The following BAZ2B variants were observed in gnomAD, a reference collection of about 807,000 sequenced individuals.
BAZ2B encodes the protein bromodomain adjacent to zinc finger domain protein 2B.
In BAZ2B, 91 loss-of-function variants were observed where a neutral mutation model predicts 246.0. The ratio of observed to expected loss-of-function variants is 0.37; its 90% CI spans 0.31 to 0.44. The LOEUF (loss-of-function observed/expected upper bound fraction) is 0.44. Among genes scored for constraint, BAZ2B ranks in the 20% least tolerant of loss-of-function variants. The pLI, the probability that BAZ2B is intolerant of heterozygous loss-of-function variation, is 1.00. For synonymous variants in BAZ2B, 855 were observed against 860.0 expected (o/e 0.99, Z 0.10); for missense variants, 2,332 against 2,533.7 (o/e 0.92, Z 1.71).
At chr2:159,482,097 G>C (rs549256703) in intron 2 of BAZ2B, among the ~76,000 whole-genome samples, 1 of 147,488 alleles carries the variant, frequency 6.8e-6, no homozygotes, top group African/African-American at 2.5e-5. Flanking sequence ...TTATTTTTAG[G>C]TCTAAAATTA....
At chr2:159,526,293 A>G (rs1484123033) in intron 2 of BAZ2B, among the ~76,000 whole-genome samples, 1 of 152,200 alleles carries the variant, frequency 6.6e-6, no homozygotes, top group African/African-American at 2.4e-5. Context: ...ACAATTATAT[A>G]GAAAGAAATT....
At chr2:159,435,272 C>T (rs1364332144) in intron 8 of BAZ2B, 2 of 152,004 alleles carry the variant, frequency 1.3e-5, no homozygotes, top group East Asian at 1.9e-4. Flanking sequence ...CAGCAACCCC[C>T]ACCTCCCGGG....
intron 31 of BAZ2B, among the ~76,000 whole-genome samples, chr2:159,346,781 C>T (rs536476661): frequency 1.3e-4 from 20 of 152,244 alleles, no homozygotes; most frequent in African/African-American, 3.4e-4. Flanking sequence ...GACCTTTATA[C>T]CCCTCTTTAC....
chr2:159,625,940 CA>C, the BAZ2B span, among the ~76,000 whole-genome samples: 1 of 149,054 alleles, frequency 6.7e-6, no homozygotes, highest in Admixed American at 6.7e-5. Context: ...ATCTCACATG[CA>C]AAGATGCACA....
intron 2 of BAZ2B, among the ~76,000 whole-genome samples, chr2:159,535,448 G>T (rs2085863426): frequency 6.6e-6 from 1 of 152,212 alleles, no homozygotes; most frequent in South Asian, 2.1e-4. Context: ...CTTGAACTCG[G>T]CAGGTGGAGG....
At chr2:159,491,531 T>C (rs1360233035) in intron 2 of BAZ2B, among the ~76,000 whole-genome samples, 1 of 150,428 alleles carries the variant, frequency 6.6e-6, no homozygotes, top group Non-Finnish European at 1.5e-5. Context: ...CCATCCCGGC[T>C]AAAACGGTGA....
At chr2:159,636,829 G>C in the BAZ2B span, among the ~76,000 whole-genome samples, 1 of 152,128 alleles carries the variant, frequency 6.6e-6, no homozygotes, top group East Asian at 1.9e-4. Context: ...AAGAGGACTT[G>C]GTCTTGCATA....
At chr2:159,347,690 T>A in intron 30 of BAZ2B, 44 bp from the exon 31 acceptor site, 2 of 1,480,042 alleles carry the variant, frequency 1.4e-6, no homozygotes, top group Non-Finnish European at 1.8e-6. Flanking sequence ...CTTATTAAGC[T>A]TTTCCCCACA....
intron 1 of BAZ2B, among the ~76,000 whole-genome samples, chr2:159,570,903 G>A (rs998477398): frequency 2.0e-5 from 3 of 152,022 alleles, no homozygotes; most frequent in African/African-American, 4.8e-5. Context: ...GCCCAGGCTG[G>A]AGTGCAGTGG....
intron 22 of BAZ2B, among the ~76,000 whole-genome samples, 184 bp downstream of exon 22, chr2:159,386,169 T>C (rs982935681): frequency 6.6e-6 from 1 of 152,144 alleles, no homozygotes; most frequent in Non-Finnish European, 1.5e-5. Flanking sequence ...CTACATTCCT[T>C]AAGCTTTATA....
chr2:159,458,562 T>G (rs1300707587), intron 3 of BAZ2B: 2 of 152,276 alleles, frequency 1.3e-5, no homozygotes, highest in Non-Finnish European at 2.9e-5. Flanking sequence ...CCTAACCTCA[T>G]GATCTGCCCG....
intron 2 of BAZ2B, among the ~76,000 whole-genome samples, chr2:159,524,041 TA>T (rs1483595282): frequency 2.0e-5 from 3 of 152,100 alleles, no homozygotes; most frequent in Admixed American, 2.0e-4. Context: ...AAAATACATA[TA>T]AAAAACAAGA....
chr2:159,422,698 C>CA (rs1022166918), intron 13 of BAZ2B, among the ~76,000 whole-genome samples: 26 of 151,168 alleles, frequency 1.7e-4, no homozygotes, highest in African/African-American at 6.1e-4. Context: ...AAAGCAACTG[C>CA]AAAAAAAATA....
chr2:159,668,794 C>T, the BAZ2B span, among the ~76,000 whole-genome samples: 4 of 152,174 alleles, frequency 2.6e-5, no homozygotes, highest in East Asian at 1.9e-4. Context: ...AATGGGTTGA[C>T]GCCTGTAATC....
In BAZ2B at chr2:159,430,959, C is replaced by T; in HGVS notation, c.2098G>A (p.Ala700Thr). The change falls in exon 10 of 37, where the codon GCC (alanine) becomes ACC (threonine). Residue 700 changes from alanine (A) to threonine (T), a missense_variant. Coordinates refer to ENST00000392783, the MANE Select transcript of BAZ2B (RefSeq NM_013450.4). ...AAGGCAGCAGGAGCAGAGCCTGGGG[C>T]TTTTGCTATGTGGAGGTTACGAGGT... The part of the protein sequence containing the change: ...STPRNLHIAK[A>T]PGSAPAALCS... 1.2e-6 allele frequency: 2 copies of T among 1,613,994 alleles called. No individual in the cohort carries two copies. Among genetic ancestry groups the T allele is most frequent in the Admixed American group, 1.7e-5 (1 of 60,016 alleles).
At chr2:159,481,238 C>T (rs927583373) in intron 2 of BAZ2B, among the ~76,000 whole-genome samples, 2 of 151,872 alleles carry the variant, frequency 1.3e-5, no homozygotes, top group Non-Finnish European at 2.9e-5. Context: ...GAAATCCTGG[C>T]CATCAACTTG....
Position 159,325,716 on chromosome 2 carries a change from T to G in BAZ2B, c.6146A>C (p.Gln2049Pro), listed in dbSNP as rs754804043. Residue 2049 changes from glutamine to proline, a missense_variant, in exon 35 of 37, where the codon CAA becomes CCA. Physicochemically the swap from Gln to Pro is moderately conservative, Grantham distance 76. Coordinates refer to ENST00000392783, the MANE Select transcript of BAZ2B (RefSeq NM_013450.4). ...EENTSINLSK[Q>P]ESFTSVKKPK... ...TTTCTTAACTGAAGTAAAACTTTCT[T>G]GTTTTGACAAGTTAATAGAAGTGTT... 1 of 1,595,832 alleles carries G rather than the reference T, an allele frequency of 6.3e-7. No individual in the cohort carries two copies. The highest frequency in any genetic ancestry group is 2.2e-5 in the East Asian group (1 of 44,634).
intron 2 of BAZ2B, among the ~76,000 whole-genome samples, chr2:159,496,319 T>A (rs2081131228): frequency 7.5e-6 from 1 of 133,584 alleles, no homozygotes. Context: ...GAGGTTGCAG[T>A]AAGCCAAGAT....
intron 2 of BAZ2B, among the ~76,000 whole-genome samples, chr2:159,550,814 T>C (rs1290415454): frequency 6.6e-6 from 1 of 152,112 alleles, no homozygotes; most frequent in Non-Finnish European, 1.5e-5. Context: ...ATATTCATAA[T>C]AAAATTACCA....
Sources: allele counts gnomAD v4.1 joint callset (sites outside exome capture counted in the v4.1 genomes callset), GRCh38; gene constraint gnomAD v4.1.1; transcripts MANE v1.5; gene names NCBI Gene and HGNC (gene_info 2026-07-23, HGNC 2026-07-21).